WASL: variants seen among roughly 807,000 people sequenced by gnomAD.
WASL encodes WASP like actin nucleation promoting factor, also known as actin nucleation-promoting factor WASL.
WASL carries 20 observed loss-of-function variants against 55.5 expected under a neutral mutation model. That is an observed-to-expected ratio of 0.36 (90% CI 0.25 to 0.52). WASL has a LOEUF of 0.52. WASL is among the 20% of genes least tolerant of loss of function. WASL has a pLI of 0.92. For missense variants in WASL, 504 were observed against 622.5 expected (o/e 0.81, Z 2.03); for synonymous variants, 249 against 217.6 (o/e 1.14, Z -1.27).
In WASL at chr7:123,684,531, CTCA is replaced by C. The variant is rs766968472; in HGVS notation, c.1503_1505del (p.Asp501del). On this transcript the variant is annotated inframe_deletion, in exon 11 of 11. Coordinates refer to ENST00000223023, the MANE Select transcript of WASL (RefSeq NM_003941.4). ...TATAATATATAGATCAGTCTTCCCACTCATCATCATCCTCAAAATCTTCTTCAT... is the reference window on the plus strand; with the variant it reads ...TATAATATATAGATCAGTCTTCCCACTCATCATCCTCAAAATCTTCTTCAT... The C allele has an allele frequency of 2.3e-5, 25 of 1,089,010 alleles. No homozygotes were observed. Among genetic ancestry groups the C allele is most frequent in the African/African-American group, 3.2e-5 (2 of 63,426 alleles). The allele number at this position is 1,089,010 out of a possible 1,614,324, so 67.5% of individuals were successfully genotyped here.
chr7:123,703,785 A>G (rs914233338), intron 5 of WASL, among the ~76,000 whole-genome samples: 2 of 152,184 alleles, frequency 1.3e-5, no homozygotes, highest in Non-Finnish European at 2.9e-5. Context: ...TTGAATAATC[A>G]TTCTAGGTTC....
intron 2 of WASL, among the ~76,000 whole-genome samples, chr7:123,707,978 G>A (rs1803699249): frequency 1.3e-5 from 2 of 152,150 alleles, no homozygotes; most frequent in African/African-American, 2.4e-5. Flanking sequence ...TTGAGTCCAG[G>A]AGTTTGAATC....
intron 1 of WASL, among the ~76,000 whole-genome samples, chr7:123,717,311 C>T (rs926604535): frequency 5.9e-5 from 9 of 152,212 alleles, no homozygotes; most frequent in Non-Finnish European, 1.2e-4. Context: ...TCTTTTACTT[C>T]GTAGAGTCCC....
intron 5 of WASL, among the ~76,000 whole-genome samples, chr7:123,702,320 T>A (rs1255330385): frequency 6.6e-6 from 1 of 152,154 alleles, no homozygotes; most frequent in South Asian, 2.1e-4. Flanking sequence ...CCTCCCAAAG[T>A]GCTGGGATTA....
intron 1 of WASL, among the ~76,000 whole-genome samples, chr7:123,741,790 G>C (rs1385138417): frequency 3.9e-5 from 6 of 152,130 alleles, no homozygotes; most frequent in African/African-American, 1.2e-4. Flanking sequence ...TAGAAGACTA[G>C]AATACTGATA....
intron 3 of WASL, 38 bp downstream of exon 3, chr7:123,706,702 A>C: frequency 7.1e-7 from 1 of 1,413,002 alleles, no homozygotes; most frequent in Non-Finnish European, 9.7e-7. Flanking sequence ...CAAGCAATGA[A>C]AAAAGTAAAG....
At chr7:123,725,883 A>C (rs1804033269) in intron 1 of WASL, among the ~76,000 whole-genome samples, 1 of 152,106 alleles carries the variant, frequency 6.6e-6, no homozygotes, top group African/African-American at 2.4e-5. Context: ...CTAAACTAAA[A>C]ATTTTTATTC....
chr7:123,748,484 G>A (rs1408086803), intron 1 of WASL, 134 bp downstream of exon 1: 5 of 819,952 alleles, frequency 6.1e-6, no homozygotes, highest in South Asian at 2.1e-5. Context: ...ACGAGGGGCC[G>A]GGGCCGGGGC....
intron 1 of WASL, among the ~76,000 whole-genome samples, chr7:123,732,843 C>A (rs1804163280): frequency 6.6e-6 from 1 of 152,006 alleles, no homozygotes; most frequent in Non-Finnish European, 1.5e-5. Flanking sequence ...ACATCAAAAC[C>A]AAGTGAAATT....
chr7:123,719,888 T>G (rs566834235), intron 1 of WASL, among the ~76,000 whole-genome samples: 18 of 152,268 alleles, frequency 1.2e-4, no homozygotes, highest in African/African-American at 2.2e-4. Context: ...GACAGGAACC[T>G]CCCAACCCAC....
intron 1 of WASL, among the ~76,000 whole-genome samples, chr7:123,743,227 C>T (rs1804375213): frequency 6.6e-6 from 1 of 151,238 alleles, no homozygotes; most frequent in African/African-American, 2.4e-5. Context: ...GTTCCAGCTA[C>T]TTGGGAGGCT....
intron 1 of WASL, among the ~76,000 whole-genome samples, chr7:123,747,450 A>G (rs1026671995): frequency 5.3e-5 from 8 of 152,254 alleles, no homozygotes; most frequent in Non-Finnish European, 7.3e-5. Context: ...GGCACAAGAT[A>G]CAAAGGGTGG....
At chr7:123,748,020 C>A (rs1049279607) in intron 1 of WASL, among the ~76,000 whole-genome samples, 2 of 152,062 alleles carry the variant, frequency 1.3e-5, no homozygotes, top group Admixed American at 1.3e-4. Flanking sequence ...AGAAACCAGG[C>A]CTAGGCAAGG....
chr7:123,725,713 C>T (rs554372902), intron 1 of WASL, among the ~76,000 whole-genome samples: 89 of 152,136 alleles, frequency 5.9e-4, no homozygotes, highest in Non-Finnish European at 9.3e-4. Flanking sequence ...AGTAACTTGC[C>T]CGTTGTCACA....
At chr7:123,719,019 C>T (rs978947935) in intron 1 of WASL, among the ~76,000 whole-genome samples, 2 of 152,172 alleles carry the variant, frequency 1.3e-5, no homozygotes, top group African/African-American at 4.8e-5. Flanking sequence ...TGTGTAGTGG[C>T]AGCAACATTT....
At chr7:123,740,227 A>G (rs1562967307) in intron 1 of WASL, among the ~76,000 whole-genome samples, 3 of 151,936 alleles carry the variant, frequency 2.0e-5, no homozygotes, top group Non-Finnish European at 2.9e-5. Flanking sequence ...TTTTATATAT[A>G]TATCTTTCAT....
intron 5 of WASL, among the ~76,000 whole-genome samples, chr7:123,697,645 A>C (rs886209093): frequency 1.3e-5 from 2 of 152,212 alleles, no homozygotes; most frequent in African/African-American, 4.8e-5. Flanking sequence ...ACCACTTCCA[A>C]AACATATGAA....
At chr7:123,720,360 A>G in intron 1 of WASL, 1 of 442,908 alleles carries the variant, frequency 2.3e-6, no homozygotes, top group Non-Finnish European at 4.5e-6. Context: ...AAAAAAAAAA[A>G]AGTTGTTATT....
At chr7:123,723,729 TC>T (rs1391626725) in intron 1 of WASL, among the ~76,000 whole-genome samples, 5 of 152,184 alleles carry the variant, frequency 3.3e-5, no homozygotes, top group African/African-American at 1.2e-4. Flanking sequence ...TCAGAAAAGT[TC>T]CAATAACTCC....
Sources: allele counts gnomAD v4.1 joint callset (sites outside exome capture counted in the v4.1 genomes callset), GRCh38; gene constraint gnomAD v4.1.1; transcripts MANE v1.5; gene names NCBI Gene and HGNC (gene_info 2026-07-23, HGNC 2026-07-21).